The following RNF2 variants were observed in gnomAD, a reference collection of about 807,000 sequenced individuals.
RNF2 encodes ring finger protein 2.
A neutral mutation model predicts 37.2 loss-of-function variants in RNF2; 6 were observed. That is an observed-to-expected ratio of 0.16 (90% confidence interval 0.09 to 0.32). The LOEUF (loss-of-function observed/expected upper bound fraction) is 0.32. RNF2 is among the 10% of genes least tolerant of loss of function. RNF2 has a pLI of 1.00. For synonymous variants in RNF2, 133 were observed against 132.7 expected (o/e 1.00, Z -0.02); for missense variants, 251 against 404.0 (o/e 0.62, Z 3.25).
intron 1 of RNF2, among the ~76,000 whole-genome samples, chr1:185,058,269 A>G (rs867064967): frequency 1.2e-4 from 18 of 152,166 alleles, no homozygotes; most frequent in African/African-American, 4.1e-4. Flanking sequence ...ATATTACCCC[A>G]TTTTATTTAT....
At chr1:185,089,726 G>T (rs1336858844) in intron 2 of RNF2, among the ~76,000 whole-genome samples, 1 of 152,078 alleles carries the variant, frequency 6.6e-6, no homozygotes, top group Admixed American at 6.5e-5. Flanking sequence ...GTTTTCAATT[G>T]TGTTTATAAG....
chr1:185,086,685 A>T (rs969006885), intron 1 of RNF2, among the ~76,000 whole-genome samples: 17 of 152,324 alleles, frequency 1.1e-4, no homozygotes, highest in Non-Finnish European at 2.4e-4. Flanking sequence ...AATAGGTAGC[A>T]GTTTGGGTCT....
intron 1 of RNF2, among the ~76,000 whole-genome samples, chr1:185,065,637 G>C (rs369091605): frequency 6.6e-6 from 1 of 152,100 alleles, no homozygotes; most frequent in Admixed American, 6.5e-5. Flanking sequence ...TGAAGTCAGC[G>C]AGACCACTAA....
intron 1 of RNF2, among the ~76,000 whole-genome samples, chr1:185,049,670 TAA>T (rs200612317): frequency 1.0e-4 from 13 of 124,202 alleles, no homozygotes; most frequent in African/African-American, 1.5e-4. Flanking sequence ...TAGATGAGTG[TAA>T]AAAAAAAAAA....
chr1:185,070,261 A>G (rs1427736420), intron 1 of RNF2, among the ~76,000 whole-genome samples: 5 of 152,352 alleles, frequency 3.3e-5, no homozygotes, highest in East Asian at 1.9e-4. Flanking sequence ...GCAGATTAAA[A>G]AAAAGCCTTA....
At chr1:185,078,237 A>G (rs1194624957) in intron 1 of RNF2, among the ~76,000 whole-genome samples, 2 of 151,994 alleles carry the variant, frequency 1.3e-5, no homozygotes, top group African/African-American at 2.4e-5. Context: ...ACAAAGTGAG[A>G]CTCCATCATA....
intron 1 of RNF2, among the ~76,000 whole-genome samples, chr1:185,064,641 G>C (rs1482071396): frequency 6.6e-6 from 1 of 152,036 alleles, no homozygotes; most frequent in Non-Finnish European, 1.5e-5. Context: ...AGGTTTATTG[G>C]GATGTAACCC....
chr1:185,052,143 T>C (rs560619226), intron 1 of RNF2, among the ~76,000 whole-genome samples: 1 of 152,246 alleles, frequency 6.6e-6, no homozygotes, highest in East Asian at 1.9e-4. Context: ...TCAGACCATT[T>C]CAGACTCATT....
chr1:185,100,747 A>G lies in RNF2; in HGVS notation c.*446A>G, dbSNP rs1274871894. Reference sequence around the variant, plus strand: ...GAGTCTTGTATATTTATAGTTTTCTATATAAACTGTAGTATCTTCATGAAG... The same window carrying G: ...GAGTCTTGTATATTTATAGTTTTCTGTATAAACTGTAGTATCTTCATGAAG... On this transcript the variant is annotated 3_prime_UTR_variant, in exon 7 of 7. Transcript: ENST00000367510. The G allele has an allele frequency of 1.3e-5, 2 of 152,456 alleles. No homozygotes were observed. Among genetic ancestry groups the G allele is most frequent in the Non-Finnish European group, 1.5e-5 (1 of 68,050 alleles). The allele number at this position is 152,456 out of a possible 1,614,324, so 9.4% of individuals were successfully genotyped here. A position where few individuals can be genotyped will look rare whatever the true frequency, so the allele number is the denominator to read the frequency against.
chr1:185,073,099 T>C (rs904003154), intron 1 of RNF2, among the ~76,000 whole-genome samples: 2 of 151,478 alleles, frequency 1.3e-5, no homozygotes, highest in Non-Finnish European at 2.9e-5. Context: ...TGTATACATA[T>C]ATTGAGTTCT....
chr1:185,078,949 C>T (rs1030496388), intron 1 of RNF2, among the ~76,000 whole-genome samples: 4 of 152,112 alleles, frequency 2.6e-5, no homozygotes, highest in African/African-American at 9.7e-5. Flanking sequence ...GAGGCTGAGG[C>T]AGGAGAATCG....
rs1651964536 is a variant in RNF2 at position 185,098,107 on chromosome 1, G to C, written c.500G>C (p.Gly167Ala). ...QRGKKQQIENGSGAEDNGDSS... is the reference protein window; with the variant it reads ...QRGKKQQIENASGAEDNGDSS... ...GGCAAGAAACAACAGATTGAAAATG[G>C]TAGTGGAGCAGAAGATAATGGTGAC... The change falls in exon 5 of 7, where the codon GGT (glycine) becomes GCT (alanine). Residue 167 changes from glycine (G) to alanine (A), a missense_variant. This residue lies in a region of RNF2 where 94 missense variants were observed against 99.2 expected (regional missense o/e 0.95). Transcript: ENST00000367510. The C allele has an allele frequency of 6.2e-7, 1 of 1,614,082 alleles. No homozygotes were observed.
chr1:185,056,788 C>T (rs1650447126), intron 1 of RNF2, among the ~76,000 whole-genome samples: 1 of 152,090 alleles, frequency 6.6e-6, no homozygotes, highest in Non-Finnish European at 1.5e-5. Context: ...TAAATTATTA[C>T]TTAAAATGTC....
chr1:185,059,627 A>G (rs1425499463), intron 1 of RNF2, among the ~76,000 whole-genome samples: 1 of 152,192 alleles, frequency 6.6e-6, no homozygotes, highest in Non-Finnish European at 1.5e-5. Context: ...TTGTAGTAGC[A>G]GTAGTAATAA....
At chr1:185,095,824 A>G (rs1455723663) in intron 4 of RNF2, among the ~76,000 whole-genome samples, 2 of 152,134 alleles carry the variant, frequency 1.3e-5, no homozygotes, top group African/African-American at 2.4e-5. Context: ...TTATGTAGGT[A>G]TATGTTCGTA....
intron 1 of RNF2, among the ~76,000 whole-genome samples, chr1:185,081,093 G>A (rs1651335029): frequency 6.6e-6 from 1 of 152,062 alleles, no homozygotes; most frequent in Admixed American, 6.6e-5. Context: ...AAGTAATTGC[G>A]GTTTTGGACT....
intron 1 of RNF2, among the ~76,000 whole-genome samples, chr1:185,064,928 C>T (rs1650755743): frequency 2.0e-5 from 3 of 151,926 alleles, no homozygotes; most frequent in Non-Finnish European, 4.4e-5. Context: ...TTTCTTGCAA[C>T]GTTGCTGAAT....
At chr1:185,075,957 GT>G (rs1283734848) in intron 1 of RNF2, among the ~76,000 whole-genome samples, 4 of 152,104 alleles carry the variant, frequency 2.6e-5, no homozygotes, top group African/African-American at 9.7e-5. Context: ...TATTAGTGAA[GT>G]TTAGCACAGT....
At chr1:185,052,165 T>C (rs1055610389) in intron 1 of RNF2, among the ~76,000 whole-genome samples, 9 of 152,096 alleles carry the variant, frequency 5.9e-5, no homozygotes, top group African/African-American at 2.2e-4. Context: ...CTTCCTCCCA[T>C]TCCTCTTCGG....
Sources: gnomAD v4.1 joint callset for allele counts (sites outside exome capture counted in the v4.1 genomes callset) on GRCh38, gnomAD v4.1.1 for gene constraint, gnomAD v4.1.1 regional missense constraint, MANE v1.5 for transcripts, NCBI Gene and HGNC (gene_info 2026-07-23, HGNC 2026-07-21) for gene names.